SLC25A44: variants seen among roughly 807,000 people sequenced by gnomAD.
The protein encoded by SLC25A44 is solute carrier family 25, member 44.
A neutral mutation model predicts 29.9 loss-of-function variants in SLC25A44; 17 were observed. The observed-to-expected ratio is 0.57, with a 90% CI of 0.39 to 0.85. SLC25A44 has a LOEUF of 0.85. SLC25A44 is among the 40% of genes least tolerant of loss of function. The probability of loss-of-function intolerance (pLI) is 0.00; values close to 1 mark genes in which losing one functional copy is unlikely to be tolerated. For synonymous variants in SLC25A44, 140 were observed against 151.8 expected (o/e 0.92, Z 0.57); for missense variants, 302 against 398.4 (o/e 0.76, Z 2.06).
chr1:156,204,273 C>T (rs1044679805), intron 2 of SLC25A44, among the ~76,000 whole-genome samples: 2 of 151,552 alleles, frequency 1.3e-5, no homozygotes, highest in Admixed American at 6.6e-5. Context: ...TCCCAAAGTG[C>T]TGGGATTACA....
At position 156,201,424 on chromosome 1, in the gene SLC25A44, C is replaced by T. The variant is rs1287584352; in HGVS notation, c.625+952C>T. ...TTAGGGCAGCCTATGTTTGAAGCCT[C>T]CCTAATCCCTGCTGTTGGCTCCCAA... On this transcript the variant is annotated intron_variant, in intron 2 of 3. Transcript: ENST00000359511. Among the ~76,000 whole-genome samples, 3 of 152,142 alleles carry T rather than the reference C, an allele frequency of 2.0e-5. No homozygotes were observed. The East Asian group carries it at 5.8e-4, about 29-fold the overall frequency.
At chr1:156,202,043 C>G (rs935298839) in intron 2 of SLC25A44, among the ~76,000 whole-genome samples, 1 of 152,352 alleles carries the variant, frequency 6.6e-6, no homozygotes, top group East Asian at 1.9e-4. Context: ...CAAGCTGGCT[C>G]TCTTTTCTGA....
intron 2 of SLC25A44, among the ~76,000 whole-genome samples, chr1:156,204,252 C>T (rs1656790811): frequency 6.6e-6 from 1 of 152,064 alleles, no homozygotes; most frequent in South Asian, 2.1e-4. Context: ...GGTGATCCAC[C>T]TGCCTCGGCC....
intron 1 of SLC25A44, among the ~76,000 whole-genome samples, chr1:156,194,575 G>T (rs1455015151): frequency 3.9e-5 from 6 of 152,170 alleles, no homozygotes; most frequent in Non-Finnish European, 8.8e-5. Flanking sequence ...ACCTATGGAA[G>T]ACCAAAGGAA....
At chr1:156,196,236 G>C (rs1656203759) in intron 1 of SLC25A44, 1 of 152,208 alleles carries the variant, frequency 6.6e-6, no homozygotes, top group African/African-American at 2.4e-5. Flanking sequence ...TATTTCCGCA[G>C]GAAGTTTGGA....
intron 1 of SLC25A44, chr1:156,197,026 C>T (rs1000587568): frequency 6.6e-6 from 1 of 152,244 alleles, no homozygotes; most frequent in African/African-American, 2.4e-5. Context: ...ACCTGACCCT[C>T]CATTTCCTCA....
At chr1:156,201,557 G>A (rs961759599) in intron 2 of SLC25A44, among the ~76,000 whole-genome samples, 2 of 151,982 alleles carry the variant, frequency 1.3e-5, no homozygotes, top group Admixed American at 6.6e-5. Context: ...TACTTTCCTG[G>A]TGCTTCTTTT....
intron 2 of SLC25A44, among the ~76,000 whole-genome samples, chr1:156,202,696 T>TC (rs1656661208): frequency 6.6e-6 from 1 of 152,146 alleles, no homozygotes; most frequent in African/African-American, 2.4e-5. Context: ...CTTAAGGCAG[T>TC]TATACATTTG....
At chr1:156,203,711 T>G (rs1337361624) in intron 2 of SLC25A44, among the ~76,000 whole-genome samples, 2 of 143,532 alleles carry the variant, frequency 1.4e-5, no homozygotes, top group African/African-American at 2.6e-5. Context: ...TTTTTTTTTT[T>G]TTTTTTTTTT....
Position 156,200,232 on chromosome 1 carries a change from C to T in SLC25A44, c.385C>T (p.Pro129Ser), listed in dbSNP as rs1442766738. The change falls in exon 2 of 4, where the codon CCC becomes TCC. Residue 129 changes from proline (P) to serine (S), a missense_variant. By Grantham distance (74) the Pro-to-Ser change is moderately conservative. Transcript: ENST00000359511. ...ASLVAQSITV[P>S]IDVVSQHLMM... is the part of the protein sequence containing the mutation. ...CCTTGTGGCCCAGAGCATCACAGTG[C>T]CCATTGATGTAGTCTCCCAGCACCT... 6.2e-7 allele frequency: 1 copy of T among 1,614,170 alleles called. No homozygotes were observed.
chr1:156,194,492 C>A (rs989620773), intron 1 of SLC25A44, among the ~76,000 whole-genome samples: 1 of 152,120 alleles, frequency 6.6e-6, no homozygotes, highest in Non-Finnish European at 1.5e-5. Flanking sequence ...ACAGAGGCTG[C>A]ATAAAGGGGG....
At chr1:156,204,548 A>C (rs1479365554) in intron 2 of SLC25A44, among the ~76,000 whole-genome samples, 1 of 151,414 alleles carries the variant, frequency 6.6e-6, no homozygotes, top group African/African-American at 2.4e-5. Context: ...GTGCAATGGC[A>C]TGATCTTGGC....
Position 156,199,817 on chromosome 1 carries a change from A to G in SLC25A44, c.-13-18A>G, listed in dbSNP as rs765189865. The G allele has an allele frequency of 1.5e-5, 24 of 1,598,328 alleles. 1 individual carries two copies. In the South Asian group the frequency reaches 1.7e-4, roughly 11 times the overall value. On this transcript the variant is annotated intron_variant, in intron 1 of 3. Transcript: ENST00000359511. ...CCACCCTCCTTCTTCACATCCCTCCATACTGCTCAAATCCCAGGTCTTCAG... is the reference window on the plus strand; with the variant it reads ...CCACCCTCCTTCTTCACATCCCTCCGTACTGCTCAAATCCCAGGTCTTCAG...
chr1:156,210,257 C>A lies in SLC25A44; in HGVS notation c.771C>A (p.Ser257=). The A allele has an allele frequency of 6.4e-7, 1 of 1,558,274 alleles. No individual in the cohort carries two copies. Among genetic ancestry groups the A allele is most frequent in the South Asian group, 1.2e-5 (1 of 83,172 alleles). The part of the protein sequence containing the change: ...RTRVQVEGKN[S]IILTFRQLMA... ...TTTTCCAGGTTGAGGGCAAGAACTCCATCATCCTGACCTTCAGACAGCTGA... is the reference window on the plus strand; with the variant it reads ...TTTTCCAGGTTGAGGGCAAGAACTCAATCATCCTGACCTTCAGACAGCTGA... The change falls in exon 4 of 4, where the codon TCC becomes TCA. Residue 257 remains serine (S), a synonymous_variant. Coordinates refer to ENST00000359511, the MANE Select transcript of SLC25A44 (RefSeq NM_014655.4).
chr1:156,202,711 G>T (rs1487123523), intron 2 of SLC25A44, among the ~76,000 whole-genome samples: 1 of 152,138 alleles, frequency 6.6e-6, no homozygotes, highest in Non-Finnish European at 1.5e-5. Context: ...CATTTGCTTT[G>T]ATGTTATTTG....
rs757413124 is a variant in SLC25A44, at chr1:156,200,047, C to T, written c.200C>T (p.Ala67Val). ...GATGCCTTCATCAAGATCCTGCGAG[C>T]AGATGGTATCACTGGCCTCTACCGA... is the stretch of plus-strand genomic sequence containing the variant. ...TFDAFIKILR[A>V]DGITGLYRGF... The change falls in exon 2 of 4, where the codon GCA becomes GTA. Residue 67 changes from alanine to valine, a missense_variant. Transcript: ENST00000359511. 1.9e-6 allele frequency: 3 copies of T among 1,614,056 alleles called. No homozygotes were observed. In the African/African-American group the frequency reaches 4.0e-5, roughly 22 times the overall value.
Position 156,210,277 on chromosome 1 carries a change from A to G in SLC25A44, c.791A>G (p.Gln264Arg), listed in dbSNP as rs781680619. 6 of 1,587,006 alleles carry G rather than the reference A, an allele frequency of 3.8e-6. No homozygotes were observed. In the Admixed American group the frequency reaches 1.1e-4, roughly 29 times the overall value. The change falls in exon 4 of 4, where the codon CAG (glutamine) becomes CGG (arginine). Residue 264 changes from glutamine (Q) to arginine (R), a missense_variant. By Grantham distance (43) the Gln-to-Arg change is conservative (BLOSUM62 1). Coordinates refer to ENST00000359511, the MANE Select transcript of SLC25A44 (RefSeq NM_014655.4). ...GKNSIILTFR[Q>R]LMAEEGPWGL... ...AACTCCATCATCCTGACCTTCAGAC[A>G]GCTGATGGCAGAAGAAGGGCCTTGG...
At chr1:156,204,593 T>G (rs758724243) in intron 2 of SLC25A44, among the ~76,000 whole-genome samples, 1 of 151,822 alleles carries the variant, frequency 6.6e-6, no homozygotes, top group Non-Finnish European at 1.5e-5. Context: ...TTCAAGCAAT[T>G]CTCCTGCCTC....
chr1:156,211,835 G>A lies in SLC25A44; in HGVS notation c.*1404G>A, dbSNP rs1285675336. The A allele has an allele frequency of 6.5e-6, 1 of 152,776 alleles. No individual in the cohort carries two copies. The highest frequency in any genetic ancestry group is 6.5e-5 in the Admixed American group (1 of 15,280). The allele number at this position is 152,776 out of a possible 1,614,324, so 9.5% of individuals were successfully genotyped here. ...CATTTCTACCTGAGACGTGTGACCT[G>A]GATGATCCTCCAAACCCTATTGGTC... On this transcript the variant is annotated 3_prime_UTR_variant, in exon 4 of 4. Coordinates refer to ENST00000359511, the MANE Select transcript of SLC25A44 (RefSeq NM_014655.4).
Sources: allele counts gnomAD v4.1 joint callset (sites outside exome capture counted in the v4.1 genomes callset), GRCh38; gene constraint gnomAD v4.1.1; transcripts MANE v1.5; gene names NCBI Gene and HGNC (gene_info 2026-07-23, HGNC 2026-07-21).